CIT: variants seen among roughly 807,000 people sequenced by gnomAD.
CIT encodes the protein citron rho-interacting serine/threonine kinase, also known as citron Rho-interacting kinase.
Under a neutral mutation model 272.7 loss-of-function variants are expected in CIT, and 79 were observed. That is an observed-to-expected ratio of 0.29 (90% CI 0.24 to 0.35). The LOEUF is 0.35. Ranked by LOEUF, CIT falls within the 10% of genes least tolerant of loss-of-function variation. The probability of loss-of-function intolerance (pLI) is 1.00; values close to 1 mark genes in which losing one functional copy is unlikely to be tolerated. For missense variants in CIT, 1,909 were observed against 2,618.3 expected (o/e 0.73, Z 5.91); for synonymous variants, 948 against 995.6 (o/e 0.95, Z 0.90).
At position 119,697,942 on chromosome 12, in the gene CIT, T is replaced by G; in HGVS notation, c.5702+34A>C. ...CGGCCCCAACACCTACCCCAATAGCTGAAGTTTTCCACGCATGGGAGGACA... is the reference window on the plus strand; with the variant it reads ...CGGCCCCAACACCTACCCCAATAGCGGAAGTTTTCCACGCATGGGAGGACA... On this transcript the variant is annotated intron_variant, in intron 45 of 47. Transcript: ENST00000392521. This position sits in a 1 kb window ranked among gnomAD's most constrained non-coding sequence, Gnocchi z 4.9. The G allele has an allele frequency of 6.2e-7, 1 of 1,613,658 alleles. No individual in the cohort carries two copies. Among genetic ancestry groups the G allele is most frequent in the Non-Finnish European group, 8.5e-7 (1 of 1,179,608 alleles).
intron 32 of CIT, among the ~76,000 whole-genome samples, chr12:119,716,023 C>A (rs1248655581): frequency 6.6e-6 from 1 of 152,132 alleles, no homozygotes; most frequent in African/African-American, 2.4e-5. Context: ...TTTCAGTGGA[C>A]ACCACAGCCA....
intron 47 of CIT, 34 bp from the exon 48 acceptor site, chr12:119,688,289 C>T (rs371059680): frequency 1.4e-5 from 23 of 1,608,184 alleles, no homozygotes; most frequent in African/African-American, 2.7e-5. Flanking sequence ...GTTAGCCATC[C>T]GAGGCCAGAA....
chr12:119,838,133 C>G (rs145413699), intron 5 of CIT, among the ~76,000 whole-genome samples: 154 of 152,168 alleles, frequency 1.0e-3, no homozygotes, highest in African/African-American at 3.0e-3. Context: ...AGTGCAGTGC[C>G]ACGATCTCGG....
intron 23 of CIT, among the ~76,000 whole-genome samples, chr12:119,750,788 GATAGATAGAGAT>G (rs1195258288): frequency 4.7e-5 from 7 of 148,594 alleles, no homozygotes; most frequent in African/African-American, 1.5e-4. Context: ...TAGATAGATA[GATAGATAGAGAT>G]ATAGAGATGT....
chr12:119,737,224 A>G (rs1459654724), intron 24 of CIT, among the ~76,000 whole-genome samples: 2 of 141,266 alleles, frequency 1.4e-5, no homozygotes, highest in African/African-American at 2.6e-5. Context: ...GGAGAATGGC[A>G]TGAACCCGGG....
Position 119,708,171 on chromosome 12 carries a change from G to A in CIT, c.5211+8C>T. 1 of 1,557,804 alleles carries A rather than the reference G, an allele frequency of 6.4e-7. No homozygotes were observed. On this transcript the variant is annotated splice_region_variant and intron_variant, in intron 40 of 47. Coordinates refer to ENST00000392521, the MANE Select transcript of CIT (RefSeq NM_001206999.2). ...ATTCCACCAGCTAGGACTCTGAGGG[G>A]AGCTTACCTTGCCTGCCCCAAACAA...
chr12:119,832,340 T>C (rs1169744644), intron 7 of CIT, among the ~76,000 whole-genome samples: 1 of 152,254 alleles, frequency 6.6e-6, no homozygotes, highest in African/African-American at 2.4e-5. Flanking sequence ...CACTTGGTTC[T>C]TAACACTTAA....
At chr12:119,819,629 G>A in intron 9 of CIT, among the ~76,000 whole-genome samples, 1 of 152,154 alleles carries the variant, frequency 6.6e-6, no homozygotes, top group Non-Finnish European at 1.5e-5. Context: ...TTTTAACAAG[G>A]GACAATCTCT....
At chr12:119,689,202 C>T (rs1955778869) in intron 47 of CIT, among the ~76,000 whole-genome samples, 1 of 148,024 alleles carries the variant, frequency 6.8e-6, no homozygotes, top group South Asian at 2.2e-4. Flanking sequence ...AACAAACAAA[C>T]AAACAAACAA....
At chr12:119,715,130 T>G (rs1957388030) in intron 32 of CIT, among the ~76,000 whole-genome samples, 1 of 152,232 alleles carries the variant, frequency 6.6e-6, no homozygotes, top group African/African-American at 2.4e-5. Flanking sequence ...GCTTGGTTCT[T>G]ATTCTCTTTT....
Position 119,757,553 on chromosome 12 carries a change from G to A in CIT, c.2532-8C>T, listed in dbSNP as rs780282697. On this transcript the variant is annotated splice_polypyrimidine_tract_variant and splice_region_variant and intron_variant, in intron 21 of 47. Transcript: ENST00000392521. ...ATCTCTTCTTGGGCCTTCCTGGTGG[G>A]GGTGGTGGGAGGATCCAAACAAAAT... 56 of 1,613,928 alleles carry A rather than the reference G, an allele frequency of 3.5e-5. No homozygotes were observed. The highest frequency in any genetic ancestry group is 4.2e-6 in the Non-Finnish European group (5 of 1,179,968).
At chr12:119,777,627 G>A (rs1016711023) in intron 13 of CIT, among the ~76,000 whole-genome samples, 3 of 150,638 alleles carry the variant, frequency 2.0e-5, no homozygotes, top group African/African-American at 4.9e-5. Flanking sequence ...CCGAGATCGC[G>A]CCACTGCACT....
Position 119,701,933 on chromosome 12 carries a change from C to T in CIT, c.5330G>A (p.Ser1777Asn). Residue 1777 changes from serine (S) to asparagine (N), a missense_variant, in exon 42 of 48, where the codon AGC becomes AAC. Transcript: ENST00000392521. ...RKEIETSEPC[S>N]CIHFTNYSIL... ...ACTGTAATTGGTGAAGTGGATACAG[C>T]TGCAGGGCTCTGAGGTCTCTATCTC... 6.2e-7 allele frequency: 1 copy of T among 1,613,848 alleles called. No homozygotes were observed. Among genetic ancestry groups the T allele is most frequent in the Non-Finnish European group, 8.5e-7 (1 of 1,179,780 alleles).
intron 2 of CIT, among the ~76,000 whole-genome samples, chr12:119,871,330 C>T (rs1247176032): frequency 6.6e-6 from 1 of 152,110 alleles, no homozygotes; most frequent in African/African-American, 2.4e-5. Flanking sequence ...GTCCAGCCAA[C>T]CCACAGAATC....
chr12:119,748,636 G>A (rs183334675), intron 23 of CIT, among the ~76,000 whole-genome samples: 63 of 152,366 alleles, frequency 4.1e-4, no homozygotes, highest in African/African-American at 1.3e-3. Flanking sequence ...GAATGAGAAC[G>A]TGCACTGACT....
At chr12:119,828,571 A>ATT (rs767267101) in intron 7 of CIT, among the ~76,000 whole-genome samples, 7,849 of 145,012 alleles carry the variant, frequency 0.054, 637 homozygotes, top group African/African-American at 0.19. Flanking sequence ...AACTTAGTTA[A>ATT]TTTTTTTTTT....
Position 119,735,319 on chromosome 12 carries a change from G to C in CIT, c.2997C>G (p.Thr999=), listed in dbSNP as rs2301657. 41 of 1,614,006 alleles carry C rather than the reference G, an allele frequency of 2.5e-5. No individual in the cohort carries two copies. The East Asian group carries it at 8.7e-4, about 34-fold the overall frequency. ...TDLEEQLNQL[T]EDNAELNNQN... ...GGTTGTTGAGTTCAGCGTTGTCCTC[G>C]GTCAGCTGGTTTAGCTGCTCCTCCA... Residue 999 remains threonine, a synonymous_variant, in exon 25 of 48, where the codon ACC becomes ACG. Transcript: ENST00000392521.
intron 9 of CIT, among the ~76,000 whole-genome samples, chr12:119,815,087 CCACA>C (rs781036533): frequency 9.7e-6 from 1 of 103,038 alleles, no homozygotes; most frequent in Non-Finnish European, 1.9e-5. Flanking sequence ...TGCTCACATA[CCACA>C]CACACACACA....
chr12:119,868,865 C>T (rs1027169792), intron 3 of CIT, among the ~76,000 whole-genome samples, 195 bp downstream of exon 3: 1 of 152,118 alleles, frequency 6.6e-6, no homozygotes, highest in Admixed American at 6.5e-5. Flanking sequence ...TTAAGTTTGT[C>T]GCTTGCAACC....
Sources: gnomAD v4.1 joint callset for allele counts (sites outside exome capture counted in the v4.1 genomes callset) on GRCh38, gnomAD v4.1.1 for gene constraint, Gnocchi (gnomAD v3.1) non-coding constraint, MANE v1.5 for transcripts, NCBI Gene and HGNC (gene_info 2026-07-23, HGNC 2026-07-21) for gene names.